C1orf52: variants seen among roughly 807,000 people sequenced by gnomAD.
The protein encoded by C1orf52 is chromosome 1 open reading frame 52.
C1orf52 carries 5 observed loss-of-function variants against 17.2 expected under a neutral mutation model. That is an observed-to-expected ratio of 0.29 (90% CI 0.15 to 0.61). The LOEUF (loss-of-function observed/expected upper bound fraction) is 0.61, where lower values mean the gene tolerates loss of function less well. Ranked by LOEUF, C1orf52 falls within the 20% of genes least tolerant of loss-of-function variation. The probability of loss-of-function intolerance (pLI) is 0.85; values close to 1 mark genes in which losing one functional copy is unlikely to be tolerated. For missense variants in C1orf52, 245 were observed against 234.1 expected, an observed-to-expected ratio of 1.05 and a Z score of -0.30; for synonymous variants, 110 against 88.0, an observed-to-expected ratio of 1.25 and a Z score of -1.40.
chr1:85,258,824 C>T (rs937321296), intron 1 of C1orf52, 102 bp from the exon 2 acceptor site: 372 of 1,394,942 alleles, frequency 2.7e-4, no homozygotes, highest in Middle Eastern at 1.0e-3. Context: ...TTCAGGCTGA[C>T]TTTTTTTTTC....
intron 2 of C1orf52, among the ~76,000 whole-genome samples, chr1:85,254,151 T>C (rs752469475): frequency 6.6e-6 from 1 of 151,992 alleles, no homozygotes; most frequent in Non-Finnish European, 1.5e-5. Context: ...CATTTATTGA[T>C]GCAGATAACA....
Position 85,252,474 on chromosome 1 carries a change from A to G in C1orf52, c.*155T>C. The G allele has an allele frequency of 3.3e-6, 2 of 604,880 alleles. No individual in the cohort carries two copies. Among genetic ancestry groups the G allele is most frequent in the Admixed American group, 3.5e-5 (1 of 28,616 alleles). The allele number at this position is 604,880 out of a possible 1,614,324, so 37.5% of individuals were successfully genotyped here. On this transcript the variant is annotated 3_prime_UTR_variant, in exon 3 of 3. Coordinates refer to ENST00000471115, the MANE Select transcript of C1orf52 (RefSeq NM_198077.4). Reference sequence around the variant, plus strand: ...CATACATGTTTTAAATAAAAAAAGAATTCTATAGTGGAAAGTTCTTGAGGC... The same window carrying G: ...CATACATGTTTTAAATAAAAAAAGAGTTCTATAGTGGAAAGTTCTTGAGGC...
intron 2 of C1orf52, among the ~76,000 whole-genome samples, chr1:85,257,965 A>AC (rs1659987284): frequency 6.6e-6 from 1 of 151,898 alleles, no homozygotes; most frequent in African/African-American, 2.4e-5. Context: ...AACAAAAAAA[A>AC]CAAAACTAGC....
At position 85,252,333 on chromosome 1, in the gene C1orf52, T is replaced by C. The variant is rs1011769517; in HGVS notation, c.*296A>G. On this transcript the variant is annotated 3_prime_UTR_variant, in exon 3 of 3. Coordinates refer to ENST00000471115, the MANE Select transcript of C1orf52 (RefSeq NM_198077.4). ...CCTTTATAAAAGGTTTATAAGAACA[T>C]TGGCATGTCAACATGTGACAAAACT... 16 of 356,800 alleles carry C rather than the reference T, an allele frequency of 4.5e-5. No homozygotes were observed. The highest frequency in any genetic ancestry group is 1.8e-4 in the East Asian group (3 of 16,756). 22.1% of individuals were successfully genotyped at this position (356,800 alleles called of 1,614,324 possible).
chr1:85,256,475 G>A (rs1659938883), intron 2 of C1orf52, among the ~76,000 whole-genome samples: 1 of 152,168 alleles, frequency 6.6e-6, no homozygotes, highest in African/African-American at 2.4e-5. Flanking sequence ...TTGTAATAAA[G>A]ATTATTTAAG....
chr1:85,253,834 G>A lies in C1orf52; in HGVS notation c.476-1132C>T, dbSNP rs114694568. ...ATTCCATCTCCCTAAGCAAATGTGT[G>A]GTATTAAGAACTCCATATAGACAGA... On this transcript the variant is annotated intron_variant, in intron 2 of 2. Coordinates refer to ENST00000471115, the MANE Select transcript of C1orf52 (RefSeq NM_198077.4). Among the ~76,000 whole-genome samples, 916 of 152,094 alleles carry A rather than the reference G, an allele frequency of 6.0e-3. 8 individuals carry two copies. The highest frequency in any genetic ancestry group is 0.021 in the African/African-American group (878 of 41,484).
intron 2 of C1orf52, among the ~76,000 whole-genome samples, chr1:85,256,768 C>T (rs868079192): frequency 2.3e-5 from 3 of 128,250 alleles, no homozygotes; most frequent in Non-Finnish European, 3.1e-5. Flanking sequence ...CACTGCACTC[C>T]AGCCTGGGCG....
At position 85,250,857 on chromosome 1, in the gene C1orf52, T is replaced by C. The variant is rs1294789104; in HGVS notation, c.*1772A>G. On this transcript the variant is annotated 3_prime_UTR_variant, in exon 3 of 3. Coordinates refer to ENST00000471115, the MANE Select transcript of C1orf52 (RefSeq NM_198077.4). ...TGCTTTGTCACTTGATGCCACTCCT[T>C]AGTATATGATACCACAGATTTCCAA... The C allele has an allele frequency of 6.6e-6, 1 of 152,218 alleles. No individual in the cohort carries two copies. Among genetic ancestry groups the C allele is most frequent in the Non-Finnish European group, 1.5e-5 (1 of 68,036 alleles). The allele number at this position is 152,218 out of a possible 1,614,324, so 9.4% of individuals were successfully genotyped here.
Position 85,252,596 on chromosome 1 carries a change from G to C in C1orf52, c.*33C>G. On this transcript the variant is annotated 3_prime_UTR_variant, in exon 3 of 3. Transcript: ENST00000471115. ...TCTGTCCAAAGAAACATTTCAACAAGTTTAGCAGTACAGAAATTCTGGTCA... is the reference window on the plus strand; with the variant it reads ...TCTGTCCAAAGAAACATTTCAACAACTTTAGCAGTACAGAAATTCTGGTCA... 6.4e-7 allele frequency: 1 copy of C among 1,561,326 alleles called. No homozygotes were observed. Among genetic ancestry groups the C allele is most frequent in the Non-Finnish European group, 8.8e-7 (1 of 1,133,000 alleles).
In C1orf52 at chr1:85,252,639, T is replaced by C. The variant is rs759467745; in HGVS notation, c.539A>G (p.Lys180Arg). Residue 180 changes from lysine to arginine, a missense_variant, in exon 3 of 3, where the codon AAG becomes AGG. Physicochemically the swap from Lys to Arg is conservative, Grantham distance 26. Transcript: ENST00000471115. The stretch of plus-strand genomic sequence containing the variant: ...TCTGGTCATTTGTTTCTACTTTTTC[T>C]TCTTTGCTGGTTCTCCTGGCTCTAC... ...RKVEPGEPAK[K>R]KK The C allele has an allele frequency of 1.2e-5, 19 of 1,613,392 alleles. No individual in the cohort carries two copies. In the Admixed American group the frequency reaches 3.0e-4, roughly 25 times the overall value.
chr1:85,259,403 G>T lies in C1orf52; in HGVS notation c.231C>A (p.Asn77Lys), dbSNP rs1660032726. ...TRPAFLYNPLNKQIDWERHVV... is the reference protein window; with the variant it reads ...TRPAFLYNPLKKQIDWERHVV... The stretch of plus-strand genomic sequence containing the variant: ...CGTGCCTCTCCCAGTCTATCTGTTT[G>T]TTGAGCGGATTGTAGAGAAAGGCCG... Residue 77 changes from asparagine to lysine, a missense_variant, in exon 1 of 3, where the codon AAC becomes AAA. Transcript: ENST00000471115. 2 of 1,614,090 alleles carry T rather than the reference G, an allele frequency of 1.2e-6. No individual in the cohort carries two copies. The highest frequency in any genetic ancestry group is 1.7e-6 in the Non-Finnish European group (2 of 1,180,002).
In C1orf52 at chr1:85,259,550, G is replaced by A; in HGVS notation, c.84C>T (p.Asn28=). Residue 28 remains asparagine, a synonymous_variant, in exon 1 of 3, where the codon AAC becomes AAT. Transcript: ENST00000471115. ...TGCGACTCGTCTCCTCCGGCTCGAT[G>A]TTATCCTCCTCGTCCGAGGAGCCTG... is the stretch of plus-strand genomic sequence containing the variant. The part of the protein sequence containing the change: ...SSSGSSDEED[N]IEPEETSRRT... 1.2e-6 allele frequency: 2 copies of A among 1,613,724 alleles called. No individual in the cohort carries two copies. The highest frequency in any genetic ancestry group is 1.7e-6 in the Non-Finnish European group (2 of 1,179,946).
chr1:85,254,033 A>T (rs1659866277), intron 2 of C1orf52, among the ~76,000 whole-genome samples: 1 of 152,222 alleles, frequency 6.6e-6, no homozygotes, highest in Non-Finnish European at 1.5e-5. Context: ...CTTCATTATT[A>T]AAAAATGTGA....
At chr1:85,256,388 G>A (rs1659936997) in intron 2 of C1orf52, among the ~76,000 whole-genome samples, 1 of 152,100 alleles carries the variant, frequency 6.6e-6, no homozygotes, top group South Asian at 2.1e-4. Context: ...TTAGAATTTG[G>A]CATTTTCTAG....
At chr1:85,258,907 A>T (rs1421400893) in intron 1 of C1orf52, 185 bp from the exon 2 acceptor site, 5 of 1,428,684 alleles carry the variant, frequency 3.5e-6, no homozygotes, top group Non-Finnish European at 3.6e-6. Context: ...GGTTCCCTAT[A>T]TGAATAAAGC....
chr1:85,259,013 C>A lies in C1orf52; in HGVS notation c.277-291G>T, dbSNP rs1660020116. 3.0e-6 allele frequency: 4 copies of A among 1,346,652 alleles called. No individual in the cohort carries two copies. In the East Asian group the frequency reaches 1.2e-4, roughly 41 times the overall value. 83.4% of individuals were successfully genotyped at this position (1,346,652 alleles called of 1,614,324 possible). A position where few individuals can be genotyped will look rare whatever the true frequency, so the allele number is the denominator to read the frequency against. ...GCTGCAGCAGACACTGTCTTGGAGGCAGCACCGCAGGCACTTCGGCGTCAA... is the reference window on the plus strand; with the variant it reads ...GCTGCAGCAGACACTGTCTTGGAGGAAGCACCGCAGGCACTTCGGCGTCAA... On this transcript the variant is annotated intron_variant, in intron 1 of 2. Coordinates refer to ENST00000471115, the MANE Select transcript of C1orf52 (RefSeq NM_198077.4).
At position 85,251,061 on chromosome 1, in the gene C1orf52, A is replaced by G. The variant is rs998168662; in HGVS notation, c.*1568T>C. 1 of 152,212 alleles carries G rather than the reference A, an allele frequency of 6.6e-6. No homozygotes were observed. The highest frequency in any genetic ancestry group is 2.4e-5 in the African/African-American group (1 of 41,452). The allele number at this position is 152,212 out of a possible 1,614,324, so 9.4% of individuals were successfully genotyped here. ...ATGGACCTTCATTCCACAAAGCACC[A>G]TGGCTGATGCAATCACTCTTAATGA... On this transcript the variant is annotated 3_prime_UTR_variant, in exon 3 of 3. Transcript: ENST00000471115.
chr1:85,259,445 A>G lies in C1orf52; in HGVS notation c.189T>C (p.Phe63=), dbSNP rs558705581. 8 of 1,614,012 alleles carry G rather than the reference A, an allele frequency of 5.0e-6. No individual in the cohort carries two copies. Among genetic ancestry groups the G allele is most frequent in the Admixed American group, 1.7e-5 (1 of 60,030 alleles). ...GAAAGGCCGGGCGAGTCACGCTCCT[A>G]AACAGCTCGTCAGGTCCCGGGAGCC... ...EKRLPGPDEL[F]RSVTRPAFLY... is the part of the protein sequence containing the mutation. Residue 63 remains phenylalanine, a synonymous_variant, in exon 1 of 3, where the codon TTT becomes TTC. Coordinates refer to ENST00000471115, the MANE Select transcript of C1orf52 (RefSeq NM_198077.4).
rs1012923234 is a variant in C1orf52 at position 85,251,520 on chromosome 1, T to C, written c.*1109A>G. Reference sequence around the variant, plus strand: ...CACCTTCCCAACTACTTCTTGTTCATTTTATTATTACTATACGCAAAGCAT... The same window carrying C: ...CACCTTCCCAACTACTTCTTGTTCACTTTATTATTACTATACGCAAAGCAT... On this transcript the variant is annotated 3_prime_UTR_variant, in exon 3 of 3. Coordinates refer to ENST00000471115, the MANE Select transcript of C1orf52 (RefSeq NM_198077.4). 2.6e-5 allele frequency: 4 copies of C among 152,246 alleles called. No individual in the cohort carries two copies. Among genetic ancestry groups the C allele is most frequent in the Non-Finnish European group, 4.4e-5 (3 of 68,050 alleles). 9.4% of individuals were successfully genotyped at this position (152,246 alleles called of 1,614,324 possible). A position where few individuals can be genotyped will look rare whatever the true frequency, so the allele number is the denominator to read the frequency against.
Sources: gnomAD v4.1 joint callset for allele counts (sites outside exome capture counted in the v4.1 genomes callset) on GRCh38, gnomAD v4.1.1 for gene constraint, MANE v1.5 for transcripts, NCBI Gene and HGNC (gene_info 2026-07-23, HGNC 2026-07-21) for gene names.